The following RNASE9 variants were observed in gnomAD, a reference collection of about 807,000 sequenced individuals.
The protein encoded by RNASE9 is inactive ribonuclease-like protein 9.
For synonymous variants in RNASE9, 95 were observed against 87.6 expected (o/e 1.08, Z -0.47); for missense variants, 263 against 247.1 (o/e 1.06, Z -0.43).
chr14:20,556,569 A>T (rs145447895), exon 3 of RNASE9: 131 of 1,613,868 alleles, frequency 8.1e-5, no homozygotes, highest in Non-Finnish European at 1.0e-4. Flanking sequence ...GCCATGAACA[A>T]GTGATAAGGA....
exon 3 of RNASE9, chr14:20,556,392 T>A (rs1331639357): frequency 1.6e-6 from 2 of 1,219,470 alleles, no homozygotes; most frequent in Non-Finnish European, 2.3e-6. Context: ...AACTTTGATC[T>A]ATAAGGATCA....
chr14:20,556,898 T>C (rs556371110), exon 3 of RNASE9: 1 of 1,614,146 alleles, frequency 6.2e-7, no homozygotes, highest in East Asian at 2.2e-5. Context: ...GTAGGTGGTC[T>C]GGCGGGCCCT....
At chr14:20,556,459 G>C (rs147979418) in exon 3 of RNASE9, 1 of 1,605,004 alleles carries the variant, frequency 6.2e-7, no homozygotes, top group Admixed American at 1.7e-5. Context: ...CTGCTAGGGC[G>C]ATATGACAAA....
chr14:20,560,007 T>C (rs758549682), intron 1 of RNASE9, among the ~76,000 whole-genome samples: 1 of 152,176 alleles, frequency 6.6e-6, no homozygotes, highest in African/African-American at 2.4e-5. Context: ...ATGCAAGTTC[T>C]GAGCCCCAGA....
exon 3 of RNASE9, chr14:20,557,758 TA>T (rs1273270426): frequency 6.5e-6 from 1 of 152,764 alleles, no homozygotes; most frequent in East Asian, 1.9e-4. Context: ...AGCACTAGAC[TA>T]AGCACTCTAA....
chr14:20,559,905 C>T (rs1382411200), intron 1 of RNASE9, among the ~76,000 whole-genome samples: 3 of 152,146 alleles, frequency 2.0e-5, no homozygotes, highest in African/African-American at 7.2e-5. Flanking sequence ...TTCTTCCCTG[C>T]TTTTAAACTT....
At chr14:20,560,129 G>A (rs932442185) in intron 1 of RNASE9, among the ~76,000 whole-genome samples, 2 of 151,042 alleles carry the variant, frequency 1.3e-5, no homozygotes, top group African/African-American at 4.9e-5. Context: ...ATTATTAAGT[G>A]GTATTTTAAA....
At chr14:20,559,353 T>C (rs908034598) in intron 2 of RNASE9, among the ~76,000 whole-genome samples, 1 of 151,830 alleles carries the variant, frequency 6.6e-6, no homozygotes, top group African/African-American at 2.4e-5. Flanking sequence ...AAGTAGATTA[T>C]AGGGTGCCCG....
chr14:20,557,047 G>A, exon 3 of RNASE9: 1 of 1,609,418 alleles, frequency 6.2e-7, no homozygotes. Context: ...CAGTGGGTGT[G>A]TGGTGATGAG....
At chr14:20,556,900 G>C in exon 3 of RNASE9, 1 of 1,614,000 alleles carries the variant, frequency 6.2e-7, no homozygotes, top group East Asian at 2.2e-5. Context: ...AGGTGGTCTG[G>C]CGGGCCCTGT....
At chr14:20,556,093 TA>T (rs1370157714) in exon 3 of RNASE9, 3 of 193,372 alleles carry the variant, frequency 1.6e-5, no homozygotes, top group Middle Eastern at 2.2e-3. Flanking sequence ...GCCACTGCAC[TA>T]GATTGAAGCA....
At chr14:20,560,237 G>A (rs1036680193) in intron 1 of RNASE9, 2 of 151,712 alleles carry the variant, frequency 1.3e-5, no homozygotes, top group East Asian at 1.9e-4. Flanking sequence ...ATATAATAAA[G>A]CATCAATAAA....
chr14:20,557,194 C>T, exon 3 of RNASE9: 3 of 1,046,882 alleles, frequency 2.9e-6, no homozygotes, highest in South Asian at 1.7e-5. Context: ...GATTTTGGAC[C>T]ATTTTTAAAT....
chr14:20,556,176 C>A (rs1256191132), exon 3 of RNASE9: 3 of 356,942 alleles, frequency 8.4e-6, no homozygotes, highest in Non-Finnish European at 1.5e-5. Flanking sequence ...GCAACCATTT[C>A]CTTTTCCTCT....
In RNASE9 at chr14:20,558,162, C is replaced by T. The variant is rs570039502; in HGVS notation, c.-1093G>A. On this transcript the variant is annotated 5_prime_UTR_variant, in exon 3 of 3. Coordinates refer to ENST00000555230, the Ensembl canonical transcript of RNASE9. ...CCAATTATTTAATTGCAGAAGCAACCTCCTGAGTTTTCTTACCTTACCAGG... is the reference window on the plus strand; with the variant it reads ...CCAATTATTTAATTGCAGAAGCAACTTCCTGAGTTTTCTTACCTTACCAGG... 100 of 325,304 alleles carry T rather than the reference C, an allele frequency of 3.1e-4. 2 individuals carry two copies. In the South Asian group the frequency reaches 3.9e-3, roughly 13 times the overall value. 20.2% of individuals were successfully genotyped at this position (325,304 alleles called of 1,614,324 possible).
chr14:20,559,145 G>T (rs1337625457), intron 2 of RNASE9, among the ~76,000 whole-genome samples: 2 of 151,336 alleles, frequency 1.3e-5, no homozygotes, highest in South Asian at 2.1e-4. Flanking sequence ...AAGAGTCATG[G>T]TCTCACAGTG....
chr14:20,556,834 T>A, exon 3 of RNASE9: 2 of 1,614,216 alleles, frequency 1.2e-6, no homozygotes, highest in Non-Finnish European at 1.7e-6. Context: ...GTACTCTATA[T>A]GATTTAGTGG....
chr14:20,556,613 A>T (rs141963632), exon 3 of RNASE9: 7 of 1,613,754 alleles, frequency 4.3e-6, no homozygotes, highest in Middle Eastern at 1.6e-4. Context: ...TCGTATTTAC[A>T]CGCTGGTATT....
chr14:20,558,095 C>T, exon 3 of RNASE9: 1 of 254,312 alleles, frequency 3.9e-6, no homozygotes, highest in Non-Finnish European at 7.8e-6. Context: ...GAATTTGAGC[C>T]CCTAGAGTGC....
Sources: gnomAD v4.1 joint callset for allele counts (sites outside exome capture counted in the v4.1 genomes callset) on GRCh38, gnomAD v4.1.1 for gene constraint, MANE v1.5 for transcripts, NCBI Gene and HGNC (gene_info 2026-07-23, HGNC 2026-07-21) for gene names.